HUWE1: variants seen among roughly 807,000 people sequenced by gnomAD.
The protein encoded by HUWE1 is E3 ubiquitin-protein ligase HUWE1.
Under a neutral mutation model 299.4 loss-of-function variants are expected in HUWE1, and 18 were observed. The ratio of observed to expected loss-of-function variants is 0.06; its 90% CI spans 0.04 to 0.09. The LOEUF (loss-of-function observed/expected upper bound fraction) is 0.09, where lower values mean the gene tolerates loss of function less well. Ranked by LOEUF, HUWE1 falls within the 10% of genes least tolerant of loss-of-function variation. The pLI is 1.00. For missense variants in HUWE1, 1,832 were observed against 3,462.3 expected (o/e 0.53, Z 11.82); for synonymous variants, 1,317 against 1,286.1 (o/e 1.02, Z -0.51).
chrX:53,589,907 AT>A, intron 35 of HUWE1, 91 bp from the exon 36 acceptor site: 1 of 945,142 alleles, frequency 1.1e-6, no homozygotes, highest in African/African-American at 1.9e-5. Context: ...GCTCTACCAT[AT>A]GATTACCCTC....
intron 19 of HUWE1, among the ~76,000 whole-genome samples, chrX:53,620,385 AG>A (rs2066069605): frequency 9.1e-6 from 1 of 109,940 alleles, no homozygotes; most frequent in African/African-American, 3.3e-5. Flanking sequence ...CTTCCTGAGT[AG>A]CGCACCAGCA....
At chrX:53,621,389 C>A in intron 19 of HUWE1, among the ~76,000 whole-genome samples, 1 of 109,530 alleles carries the variant, frequency 9.1e-6, no homozygotes, top group Non-Finnish European at 1.9e-5. Context: ...TGCATAGCTT[C>A]CCTATCTGAA....
chrX:53,683,879 C>T (rs185678766), intron 2 of HUWE1: 14 of 112,527 alleles, frequency 1.2e-4, no homozygotes, highest in African/African-American at 4.1e-4. Context: ...GCTACCTCAG[C>T]CACCGCCAAC....
chrX:53,538,501 GAAGCT>G lies in HUWE1; in HGVS notation c.11879-52_11879-48del, dbSNP rs782118972. 1.7e-5 allele frequency: 15 copies of G among 889,125 alleles called. No homozygotes were observed. In the East Asian group the frequency reaches 4.7e-4, roughly 28 times the overall value. 73.3% of individuals were successfully genotyped at this position (889,125 alleles called of 1,213,427 possible). On this transcript the variant is annotated intron_variant, in intron 76 of 83. Transcript: ENST00000262854. ...GGAATTAAGCACATCATCTGCCCCA[GAAGCT>G]GTAAGACAGCCAACCAGCTAGCAAC...
At position 53,632,498 on chromosome X, in the gene HUWE1, T is replaced by C. The variant is rs141967389; in HGVS notation, c.634A>G (p.Ile212Val). ...TGAATCAGACTCACCCTTTTCTCAA[T>C]TTTGACCTCGGCCCCAGGATCTGCA... is the stretch of plus-strand genomic sequence containing the variant. ...FYADPGAEVK[I>V]EKRTTSNTLH... is the part of the protein sequence containing the mutation. The change falls in exon 9 of 84, where the codon ATT (isoleucine) becomes GTT (valine). Residue 212 changes from isoleucine (I) to valine (V), a missense_variant. Around this residue, in one of 15 missense-constraint regions of HUWE1, gnomAD observed 658 missense variants for 1,282.6 expected, o/e 0.51. Transcript: ENST00000262854. 2.5e-6 allele frequency: 3 copies of C among 1,200,184 alleles called. No homozygotes were observed. In the African/African-American group the frequency reaches 5.3e-5, roughly 21 times the overall value.
chrX:53,638,628 A>G (rs2067371287), intron 7 of HUWE1, among the ~76,000 whole-genome samples: 1 of 112,343 alleles, frequency 8.9e-6, no homozygotes, highest in Non-Finnish European at 1.9e-5. Flanking sequence ...TCCCTGGACC[A>G]GCAGGTTAGT....
rs782666879 is a variant in HUWE1, at chrX:53,609,006, CTATT to C, written c.2262-101_2262-98del. Reference sequence around the variant, plus strand: ...ACTGTATAAAATTCTAGGCCTTTTTCTATTTATTTATTTATTTGCTTATTTTTTT... The same window carrying C: ...ACTGTATAAAATTCTAGGCCTTTTTCTATTTATTTATTTGCTTATTTTTTT... On this transcript the variant is annotated intron_variant, in intron 23 of 83. Coordinates refer to ENST00000262854, the MANE Select transcript of HUWE1 (RefSeq NM_031407.7). The C allele has an allele frequency of 2.9e-3, 1,623 of 564,038 alleles. 6 individuals are homozygous for C. Among genetic ancestry groups the C allele is most frequent in the Non-Finnish European group, 4.2e-3 (1,315 of 315,889 alleles). 46.5% of individuals were successfully genotyped at this position (564,038 alleles called of 1,213,427 possible). A position where few individuals can be genotyped will look rare whatever the true frequency, so the allele number is the denominator to read the frequency against.
intron 60 of HUWE1, among the ~76,000 whole-genome samples, chrX:53,555,273 T>G (rs1184635106): frequency 8.9e-6 from 1 of 112,094 alleles, no homozygotes; most frequent in African/African-American, 3.2e-5. Context: ...AAAATCCTAT[T>G]GATCCTCCCA....
intron 40 of HUWE1, 68 bp from the exon 41 acceptor site, chrX:53,584,413 G>T: frequency 1.1e-6 from 1 of 887,881 alleles, no homozygotes; most frequent in Non-Finnish European, 1.6e-6. Flanking sequence ...GGGAGGGGAG[G>T]GACATCTCCC....
rs782820221 is a variant in HUWE1 at position 53,589,751 on chromosome X, A to C, written c.4257T>G (p.Ala1419=). ...KAREKQEEEE[A]KCLEKFQDAD... is the part of the protein sequence containing the mutation. Reference sequence around the variant, plus strand: ...CATCCTGGAACTTCTCTAGACATTTAGCCTCTTCCTCCTCCTGCTTTTCCC... The same window carrying C: ...CATCCTGGAACTTCTCTAGACATTTCGCCTCTTCCTCCTCCTGCTTTTCCC... Residue 1419 remains alanine (A), a synonymous_variant, in exon 36 of 84, where the codon GCT becomes GCG. Coordinates refer to ENST00000262854, the MANE Select transcript of HUWE1 (RefSeq NM_031407.7). The C allele has an allele frequency of 2.5e-6, 3 of 1,210,697 alleles. No individual in the cohort carries two copies. The highest frequency in any genetic ancestry group is 1.8e-5 in the South Asian group (1 of 56,843).
chrX:53,594,639 G>A lies in HUWE1; in HGVS notation c.3381-18C>T. ...ATGTCAGCCTGAAAGTGGAAAAAAA[G>A]GCAAAACTTTAACCTTCTGTAAAGC... On this transcript the variant is annotated intron_variant, in intron 30 of 83. Coordinates refer to ENST00000262854, the MANE Select transcript of HUWE1 (RefSeq NM_031407.7). 2 of 1,206,651 alleles carry A rather than the reference G, an allele frequency of 1.7e-6. No homozygotes were observed. The highest frequency in any genetic ancestry group is 2.2e-6 in the Non-Finnish European group (2 of 891,634).
chrX:53,533,465 T>A, intron 83 of HUWE1, 54 bp from the exon 84 acceptor site: 1 of 890,362 alleles, frequency 1.1e-6, no homozygotes, highest in Non-Finnish European at 1.6e-6. Flanking sequence ...TAACCAAATC[T>A]GTGTGTTCCC....
intron 49 of HUWE1, 81 bp from the exon 50 acceptor site, chrX:53,565,320 C>G (rs2062471442): frequency 1.2e-6 from 1 of 862,986 alleles, no homozygotes; most frequent in Non-Finnish European, 1.7e-6. Flanking sequence ...AAGCTTCTTA[C>G]AATGGAATCT....
chrX:53,577,148 G>C, intron 43 of HUWE1, 81 bp from the exon 44 acceptor site: 1 of 730,514 alleles, frequency 1.4e-6, no homozygotes, highest in South Asian at 2.1e-5. Flanking sequence ...TCAGAAGGGG[G>C]CATGTATGAT....
At chrX:53,603,620 A>G in intron 26 of HUWE1, 119 bp from the exon 27 acceptor site, 3 of 624,614 alleles carry the variant, frequency 4.8e-6, no homozygotes, top group Non-Finnish European at 7.7e-6. Context: ...TGCTATTCTC[A>G]GAGTTATCCA....
At chrX:53,555,198 T>C in intron 60 of HUWE1, among the ~76,000 whole-genome samples, 1 of 111,909 alleles carries the variant, frequency 8.9e-6, no homozygotes. Context: ...AGGGGGAAGA[T>C]TTCAGGCCAT....
chrX:53,627,549 GTA>G, intron 16 of HUWE1, 34 bp from the exon 17 acceptor site: 1 of 738,851 alleles, frequency 1.4e-6, no homozygotes, highest in Non-Finnish European at 2.0e-6. Flanking sequence ...AGAAAATCAA[GTA>G]TATATATATA....
chrX:53,567,829 T>C (rs1476428457), intron 49 of HUWE1, among the ~76,000 whole-genome samples: 4 of 110,997 alleles, frequency 3.6e-5, no homozygotes, highest in Non-Finnish European at 7.6e-5. Flanking sequence ...ATGGGAGATG[T>C]GTCTCCCACG....
intron 16 of HUWE1, 82 bp downstream of exon 16, chrX:53,627,657 G>T: frequency 1.0e-6 from 1 of 958,712 alleles, no homozygotes; most frequent in East Asian, 3.1e-5. Context: ...CTGTAAGATC[G>T]CTCTTTAGGG....
Sources: gnomAD v4.1 joint callset for allele counts (sites outside exome capture counted in the v4.1 genomes callset) on GRCh38, gnomAD v4.1.1 for gene constraint, gnomAD v4.1.1 regional missense constraint, MANE v1.5 for transcripts, NCBI Gene and HGNC (gene_info 2026-07-23, HGNC 2026-07-21) for gene names.